Variants in PLXNA1 observed in about 807,000 individuals in gnomAD.
PLXNA1 encodes the protein plexin-A1.
Under a neutral mutation model 191.7 loss-of-function variants are expected in PLXNA1, and 77 were observed. The ratio of observed to expected loss-of-function variants is 0.40; its 90% CI spans 0.33 to 0.49. The LOEUF (loss-of-function observed/expected upper bound fraction) is 0.49. Ranked by LOEUF, PLXNA1 falls within the 20% of genes least tolerant of loss-of-function variation. The pLI is 0.63. For synonymous variants in PLXNA1, 1,137 were observed against 1,156.4 expected (o/e 0.98, Z 0.34); for missense variants, 2,110 against 2,660.2 (o/e 0.79, Z 4.55).
chr3:126,994,354 G>T (rs2079005160), intron 3 of PLXNA1, among the ~76,000 whole-genome samples: 1 of 152,164 alleles, frequency 6.6e-6, no homozygotes, highest in South Asian at 2.1e-4. Flanking sequence ...GGCTGGGAGT[G>T]CTGCTGCTGT....
rs1452949686 is a variant in PLXNA1 at position 127,036,389 on chromosome 3, G to GC, written c.*2374dup. ...TGGTGATGAAGGGGGTGCACCACAG[G>GC]CCTCATGAAGCAGTTCCCACATGGG... On this transcript the variant is annotated 3_prime_UTR_variant, in exon 32 of 32. Transcript: ENST00000393409. 1.3e-5 allele frequency: 2 copies of GC among 152,532 alleles called. No individual in the cohort carries two copies. The highest frequency in any genetic ancestry group is 2.9e-5 in the Non-Finnish European group (2 of 68,126). The allele number at this position is 152,532 out of a possible 1,614,324, so 9.4% of individuals were successfully genotyped here.
At chr3:126,997,438 C>T (rs572341261) in intron 3 of PLXNA1, among the ~76,000 whole-genome samples, 8 of 152,230 alleles carry the variant, frequency 5.3e-5, no homozygotes, top group South Asian at 2.1e-4. Flanking sequence ...CCACCGGGTC[C>T]GTCTTTGCTG....
intron 23 of PLXNA1, among the ~76,000 whole-genome samples, chr3:127,025,294 A>G (rs775814985): frequency 2.0e-5 from 3 of 152,148 alleles, no homozygotes; most frequent in Non-Finnish European, 2.9e-5. Context: ...CCTTTTCCAG[A>G]TGTCATGTAG....
At position 127,032,762 on chromosome 3, in the gene PLXNA1, C is replaced by T. The variant is rs746608621; in HGVS notation, c.5521C>T (p.Leu1841=). 7.4e-6 allele frequency: 12 copies of T among 1,613,382 alleles called. No individual in the cohort carries two copies. Among genetic ancestry groups the T allele is most frequent in the Non-Finnish European group, 1.0e-5 (12 of 1,180,030 alleles). ...TGCGTATCTGGCTGAGCAGTCCCGC[C>T]TGCACCTGAGCCAGTTCAACAGCAT... is the stretch of plus-strand genomic sequence containing the variant. The part of the protein sequence containing the change: ...MSAYLAEQSR[L]HLSQFNSMSA... Residue 1841 remains leucine (L), a synonymous_variant, in exon 31 of 32, where the codon CTG becomes TTG. Transcript: ENST00000393409.
intron 23 of PLXNA1, 110 bp downstream of exon 23, chr3:127,022,928 G>A (rs2079158930): frequency 4.0e-6 from 4 of 1,005,604 alleles, no homozygotes; most frequent in East Asian, 2.5e-5. Context: ...AGCTGGTGGG[G>A]TCTTGGTCGA....
chr3:127,001,729 G>A (rs1419679349), intron 3 of PLXNA1, among the ~76,000 whole-genome samples: 8 of 152,344 alleles, frequency 5.3e-5, no homozygotes, highest in South Asian at 2.1e-4. Flanking sequence ...GCGCAGGTGC[G>A]GTGATTGCTG....
intron 3 of PLXNA1, among the ~76,000 whole-genome samples, chr3:127,002,332 C>G (rs1446113311): frequency 6.6e-6 from 1 of 152,246 alleles, no homozygotes; most frequent in African/African-American, 2.4e-5. Flanking sequence ...GCGGCCCTCC[C>G]CCTCTCCCAG....
Position 127,001,279 on chromosome 3 carries a change from G to A in PLXNA1, c.1378-2051G>A, listed in dbSNP as rs546322800. Reference sequence around the variant, plus strand: ...TTGTGCCCCCAACCCTGAGTGGGTGGATGCCTTGCAGGCCGGGCCAGGGTC... The same window carrying A: ...TTGTGCCCCCAACCCTGAGTGGGTGAATGCCTTGCAGGCCGGGCCAGGGTC... On this transcript the variant is annotated intron_variant, in intron 3 of 31. Coordinates refer to ENST00000393409, the MANE Select transcript of PLXNA1 (RefSeq NM_032242.4). Among the ~76,000 whole-genome samples the A allele has an allele frequency of 2.6e-5, 4 of 152,330 alleles. No individual in the cohort carries two copies. The South Asian group carries it at 8.3e-4, about 32-fold the overall frequency.
intron 3 of PLXNA1, among the ~76,000 whole-genome samples, chr3:126,992,121 G>A (rs2078993955): frequency 1.3e-5 from 2 of 152,210 alleles, no homozygotes; most frequent in Non-Finnish European, 2.9e-5. Context: ...ACGGTGGCAG[G>A]GGGAGGGCTA....
At position 127,022,812 on chromosome 3, in the gene PLXNA1, C is replaced by T. The variant is rs1214936296; in HGVS notation, c.4356C>T (p.Phe1452=). 3 of 1,613,746 alleles carry T rather than the reference C, an allele frequency of 1.9e-6. No homozygotes were observed. The highest frequency in any genetic ancestry group is 1.3e-5 in the African/African-American group (1 of 74,932). ...TNWFTFLLYK[F]LKECAGEPLF... is the part of the protein sequence containing the mutation. ...GGTTCACCTTCCTCTTGTATAAGTT[C>T]CTCAAGGTAAGCAGAGGCGGGAGGA... The change falls in exon 23 of 32, where the codon TTC becomes TTT. Residue 1452 remains phenylalanine (F), a synonymous_variant. Coordinates refer to ENST00000393409, the MANE Select transcript of PLXNA1 (RefSeq NM_032242.4).
Position 127,017,883 on chromosome 3 carries a change from C to A in PLXNA1, c.3651C>A (p.His1217Gln). The change falls in exon 19 of 32, where the codon CAC (histidine) becomes CAA (glutamine). Residue 1217 changes from histidine to glutamine, a missense_variant. Physicochemically the swap from His to Gln is conservative, Grantham distance 24. Coordinates refer to ENST00000393409, the MANE Select transcript of PLXNA1 (RefSeq NM_032242.4). ...LCEAPNLTGQ[H>Q]KVTVRAGGFE... The stretch of plus-strand genomic sequence containing the variant: ...AGGCGCCCAACCTCACTGGGCAGCA[C>A]AAGGTCACGGTGCGTCTGTCCACCG... 6.2e-7 allele frequency: 1 copy of A among 1,612,536 alleles called. No homozygotes were observed. Among genetic ancestry groups the A allele is most frequent in the South Asian group, 1.1e-5 (1 of 91,064 alleles).
At chr3:127,017,290 C>A in intron 17 of PLXNA1, 135 bp from the exon 18 acceptor site, 1 of 1,341,438 alleles carries the variant, frequency 7.5e-7, no homozygotes, top group Non-Finnish European at 1.0e-6. Flanking sequence ...GGGTGGGTGG[C>A]CCAGGACCAG....
intron 1 of PLXNA1, among the ~76,000 whole-genome samples, chr3:126,985,285 C>T (rs896701467): frequency 3.9e-5 from 6 of 152,072 alleles, no homozygotes; most frequent in African/African-American, 9.7e-5. Flanking sequence ...TGGGCTGGGG[C>T]TCCTGCACGC....
intron 7 of PLXNA1, among the ~76,000 whole-genome samples, chr3:127,005,532 A>G (rs2079062727): frequency 1.3e-5 from 2 of 152,214 alleles, no homozygotes; most frequent in African/African-American, 4.8e-5. Flanking sequence ...ATAGCCATAG[A>G]CACATGAGCA....
chr3:127,014,669 G>A (rs765202709), intron 13 of PLXNA1, 40 bp downstream of exon 13: 25 of 1,610,972 alleles, frequency 1.6e-5, no homozygotes, highest in South Asian at 5.5e-5. Flanking sequence ...GGGACGGGAC[G>A]GGGCGGGGCT....
At chr3:127,023,853 A>G (rs1337618055) in intron 23 of PLXNA1, among the ~76,000 whole-genome samples, 1 of 151,476 alleles carries the variant, frequency 6.6e-6, no homozygotes, top group African/African-American at 2.4e-5. Context: ...AGGCGGGGGG[A>G]GGGAAGAGAG....
At chr3:127,029,217 G>T in intron 26 of PLXNA1, 121 bp downstream of exon 26, 1 of 872,956 alleles carries the variant, frequency 1.1e-6, no homozygotes, top group Non-Finnish European at 1.8e-6. Context: ...GGAGAGGAGG[G>T]GAGGTGGTCA....
chr3:127,018,407 G>A lies in PLXNA1; in HGVS notation c.3774G>A (p.Leu1258=), dbSNP rs747993454. The stretch of plus-strand genomic sequence containing the variant: ...GCGGAGGCGGGGGTCTCCTGCTGCT[G>A]GTCATCGTGGCTGTGCTCATCGCCT... ...GIGGGGGLLL[L]VIVAVLIAYK... The change falls in exon 20 of 32, where the codon CTG becomes CTA. Residue 1258 remains leucine (L), a synonymous_variant. Transcript: ENST00000393409. 1 of 1,613,070 alleles carries A rather than the reference G, an allele frequency of 6.2e-7. No individual in the cohort carries two copies. The highest frequency in any genetic ancestry group is 1.3e-5 in the African/African-American group (1 of 75,062).
At position 127,032,717 on chromosome 3, in the gene PLXNA1, A is replaced by G; in HGVS notation, c.5476A>G (p.Ile1826Val). Residue 1826 changes from isoleucine (I) to valine (V), a missense_variant, in exon 31 of 32, where the codon ATC (isoleucine) becomes GTC (valine). By Grantham distance (29) the Ile-to-Val change is conservative. Around this residue, in one of 4 missense-constraint regions of PLXNA1, gnomAD observed 559 missense variants for 911.5 expected, o/e 0.61. Coordinates refer to ENST00000393409, the MANE Select transcript of PLXNA1 (RefSeq NM_032242.4). ...YYADIAKMPA[I>V]SDQDMSAYLA... ...TGCAGACATCGCCAAGATGCCAGCC[A>G]TCAGCGACCAGGACATGAGTGCGTA... 2 of 1,613,424 alleles carry G rather than the reference A, an allele frequency of 1.2e-6. No homozygotes were observed. Among genetic ancestry groups the G allele is most frequent in the East Asian group, 2.2e-5 (1 of 44,878 alleles).
Sources: allele counts gnomAD v4.1 joint callset (sites outside exome capture counted in the v4.1 genomes callset), GRCh38; gene constraint gnomAD v4.1.1; regional missense constraint gnomAD v4.1.1; transcripts MANE v1.5; gene names NCBI Gene and HGNC (gene_info 2026-07-23, HGNC 2026-07-21).